The following CDK14 variants were observed in gnomAD, a reference collection of about 807,000 sequenced individuals.
The protein encoded by CDK14 is cyclin dependent kinase 14.
CDK14 carries 34 observed loss-of-function variants against 60.7 expected under a neutral mutation model. That is an observed-to-expected ratio of 0.56 (90% CI 0.43 to 0.75). CDK14 has a LOEUF of 0.75. Ranked by LOEUF, CDK14 falls within the 30% of genes least tolerant of loss-of-function variation. The probability of loss-of-function intolerance (pLI) is 0.00; values close to 1 mark genes in which losing one functional copy is unlikely to be tolerated. For synonymous variants in CDK14, 197 were observed against 203.7 expected (o/e 0.97, Z 0.28); for missense variants, 482 against 564.1 (o/e 0.85, Z 1.47).
In CDK14 at chr7:90,712,198, G is replaced by T. The variant is rs571034562; in HGVS notation, c.124-14369G>T. 2.0e-4 allele frequency among the ~76,000 whole-genome samples: 31 copies of T among 151,792 alleles called. 1 individual carries two copies. The highest frequency in any genetic ancestry group is 6.8e-4 in the African/African-American group (28 of 41,384). The stretch of plus-strand genomic sequence containing the variant: ...TTAAGTTTATAATTCAGTGGCATTA[G>T]ATATATTCACAGTGTTTTCAACCAT... On this transcript the variant is annotated intron_variant, in intron 2 of 14. Transcript: ENST00000380050.
chr7:90,732,813 G>A (rs1802924726), intron 3 of CDK14, among the ~76,000 whole-genome samples: 1 of 152,082 alleles, frequency 6.6e-6, no homozygotes, highest in African/African-American at 2.4e-5. Context: ...GTGATGTTTT[G>A]AAGAGTTTTT....
At chr7:90,824,526 G>C (rs1378945210) in intron 5 of CDK14, 1 of 152,220 alleles carries the variant, frequency 6.6e-6, no homozygotes, top group East Asian at 1.9e-4. Context: ...CAGCAGAAGA[G>C]TAGCTCATAA....
At chr7:90,757,019 A>G (rs775303947) in intron 4 of CDK14, among the ~76,000 whole-genome samples, 2 of 152,184 alleles carry the variant, frequency 1.3e-5, no homozygotes, top group Admixed American at 1.3e-4. Flanking sequence ...AGCTACATGT[A>G]CTTTCTCAGT....
At chr7:90,598,609 A>G (rs1241142654) in intron 1 of CDK14, among the ~76,000 whole-genome samples, 3 of 152,108 alleles carry the variant, frequency 2.0e-5, no homozygotes, top group East Asian at 1.9e-4. Flanking sequence ...TCAAAGTAGC[A>G]TTACAGAAAC....
chr7:90,804,165 A>C (rs1404543302), intron 5 of CDK14, among the ~76,000 whole-genome samples: 4 of 152,246 alleles, frequency 2.6e-5, no homozygotes, highest in African/African-American at 9.6e-5. Flanking sequence ...GAGGAGCTGG[A>C]AATTTTTCAG....
intron 6 of CDK14, among the ~76,000 whole-genome samples, chr7:90,886,711 G>T (rs1181274289): frequency 6.6e-6 from 1 of 152,130 alleles, no homozygotes; most frequent in Non-Finnish European, 1.5e-5. Flanking sequence ...TTTGCTGCTT[G>T]AAGTTTCAGG....
At chr7:91,091,316 T>C (rs1798802616) in intron 12 of CDK14, among the ~76,000 whole-genome samples, 2 of 144,680 alleles carry the variant, frequency 1.4e-5, no homozygotes, top group Admixed American at 1.4e-4. Flanking sequence ...ATATATAATT[T>C]ATGTATACAC....
chr7:90,692,461 G>A (rs1444664715), intron 2 of CDK14, among the ~76,000 whole-genome samples: 2 of 152,094 alleles, frequency 1.3e-5, no homozygotes, highest in Non-Finnish European at 2.9e-5. Flanking sequence ...CAGTCTTGTA[G>A]GAGTTTTTAA....
intron 2 of CDK14, among the ~76,000 whole-genome samples, chr7:90,622,852 A>G (rs1261445550): frequency 6.6e-6 from 1 of 151,334 alleles, no homozygotes; most frequent in African/African-American, 2.4e-5. Context: ...ATCTCAGATC[A>G]AAGTTTCCAC....
chr7:91,139,131 C>T lies in CDK14; in HGVS notation c.*28+20923C>T, dbSNP rs149315892. Among the ~76,000 whole-genome samples the T allele has an allele frequency of 3.1e-3, 475 of 152,220 alleles. 2 individuals carry two copies. Among genetic ancestry groups the T allele is most frequent in the African/African-American group, 0.011 (455 of 41,558 alleles). Reference sequence around the variant, plus strand: ...ACTGCATGTTTTCTTCATCAGTGCTCCCTCAAGAGGGAGGAAATGCAGACG... The same window carrying T: ...ACTGCATGTTTTCTTCATCAGTGCTTCCTCAAGAGGGAGGAAATGCAGACG... On this transcript the variant is annotated intron_variant, in intron 14 of 14. Coordinates refer to ENST00000380050, the MANE Select transcript of CDK14 (RefSeq NM_001287135.2).
At chr7:90,651,571 T>C (rs1431940210) in intron 2 of CDK14, among the ~76,000 whole-genome samples, 1 of 152,182 alleles carries the variant, frequency 6.6e-6, no homozygotes, top group Non-Finnish European at 1.5e-5. Context: ...AAATACATAA[T>C]GTGTGAGGCT....
intron 12 of CDK14, among the ~76,000 whole-genome samples, chr7:91,098,807 TCTTC>T (rs1799081524): frequency 6.6e-6 from 1 of 152,182 alleles, no homozygotes; most frequent in Non-Finnish European, 1.5e-5. Context: ...AGCAAGGCAT[TCTTC>T]CTGTAGGAGT....
At chr7:90,792,003 A>C (rs1049718193) in intron 5 of CDK14, among the ~76,000 whole-genome samples, 1 of 151,488 alleles carries the variant, frequency 6.6e-6, no homozygotes, top group African/African-American at 2.4e-5. Flanking sequence ...CCCCGGTTCA[A>C]GCAATTCTCC....
At chr7:90,683,740 G>T (rs1801371874) in intron 2 of CDK14, among the ~76,000 whole-genome samples, 1 of 152,210 alleles carries the variant, frequency 6.6e-6, no homozygotes, top group South Asian at 2.1e-4. Context: ...GGCAGAGGTT[G>T]CAGTGAGTCG....
chr7:90,869,687 G>T (rs1212815337), intron 6 of CDK14, among the ~76,000 whole-genome samples: 1 of 152,242 alleles, frequency 6.6e-6, no homozygotes, highest in East Asian at 1.9e-4. Context: ...CTGCAGAAGA[G>T]GTGAAGAGAA....
At chr7:91,154,270 T>C (rs1302560534) in intron 14 of CDK14, among the ~76,000 whole-genome samples, 1 of 151,654 alleles carries the variant, frequency 6.6e-6, no homozygotes, top group African/African-American at 2.4e-5. Flanking sequence ...TGTCATCAAA[T>C]CCTCTTCTGC....
chr7:90,761,249 C>G (rs1477275719), intron 4 of CDK14, among the ~76,000 whole-genome samples: 1 of 151,902 alleles, frequency 6.6e-6, no homozygotes, highest in Non-Finnish European at 1.5e-5. Flanking sequence ...ACGCTCAATA[C>G]AATCAGTGAT....
chr7:90,966,575 CT>C (rs1554393772), intron 9 of CDK14, among the ~76,000 whole-genome samples: 1 of 152,116 alleles, frequency 6.6e-6, no homozygotes, highest in African/African-American at 2.4e-5. Context: ...CTTGATTTCC[CT>C]TTTTTTCAGC....
At chr7:91,116,495 G>A (rs1202239918) in intron 13 of CDK14, among the ~76,000 whole-genome samples, 7 of 152,084 alleles carry the variant, frequency 4.6e-5, no homozygotes, top group Non-Finnish European at 1.0e-4. Flanking sequence ...AGAGTTTGTC[G>A]ATTTTCCCAC....
Sources: gnomAD v4.1 joint callset for allele counts (sites outside exome capture counted in the v4.1 genomes callset) on GRCh38, gnomAD v4.1.1 for gene constraint, MANE v1.5 for transcripts, NCBI Gene and HGNC (gene_info 2026-07-23, HGNC 2026-07-21) for gene names.